The following PCDHA1 variants were observed in gnomAD, a reference collection of about 807,000 sequenced individuals.
PCDHA1 encodes the protein protocadherin alpha-1.
A neutral mutation model predicts 61.3 loss-of-function variants in PCDHA1; 42 were observed. The observed-to-expected ratio is 0.69, with a 90% confidence interval of 0.54 to 0.89. The LOEUF is 0.89. PCDHA1 is among the 40% of genes least tolerant of loss of function. The pLI, the probability that PCDHA1 is intolerant of heterozygous loss-of-function variation, is 0.00. For missense variants in PCDHA1, 1,256 were observed against 1,235.3 expected, an observed-to-expected ratio of 1.02 and a Z score of -0.25; for synonymous variants, 610 against 553.8, an observed-to-expected ratio of 1.10 and a Z score of -1.43.
chr5:140,820,619 A>G (rs1581765490), intron 1 of PCDHA1, among the ~76,000 whole-genome samples: 2 of 152,076 alleles, frequency 1.3e-5, no homozygotes, highest in African/African-American at 4.8e-5. Flanking sequence ...TTCAAATCAT[A>G]CCATCCAGTA....
chr5:140,940,841 C>T (rs246072), intron 1 of PCDHA1, among the ~76,000 whole-genome samples: 86,358 of 151,986 alleles, frequency 0.57, 25,200 homozygotes, highest in African/African-American at 0.71. Context: ...CCTTTCTTCA[C>T]GATAGATTTT....
At chr5:140,823,630 A>G in intron 1 of PCDHA1, 2 of 1,614,062 alleles carry the variant, frequency 1.2e-6, no homozygotes, top group Non-Finnish European at 1.7e-6. Context: ...CAGTGCGCGC[A>G]TCCCGTTCCG....
chr5:140,899,171 A>G (rs1302003338), intron 1 of PCDHA1, among the ~76,000 whole-genome samples: 1 of 152,058 alleles, frequency 6.6e-6, no homozygotes, highest in Non-Finnish European at 1.5e-5. Context: ...TCCTAATTGA[A>G]TACCCTTTAT....
chr5:140,924,830 G>T (rs1240824600), intron 1 of PCDHA1, among the ~76,000 whole-genome samples: 3 of 151,612 alleles, frequency 2.0e-5, no homozygotes, highest in Non-Finnish European at 4.4e-5. Flanking sequence ...GGGAGGGGGA[G>T]GTTGCAGGGA....
intron 1 of PCDHA1, chr5:140,968,973 C>T (rs1404110882): frequency 4.3e-6 from 7 of 1,614,076 alleles, no homozygotes; most frequent in African/African-American, 2.7e-5. Flanking sequence ...CGCTACACTG[C>T]GTATGGCACT....
Position 140,877,583 on chromosome 5 carries a change from T to C in PCDHA1, c.2394+88899T>C. On this transcript the variant is annotated intron_variant, in intron 1 of 3. Transcript: ENST00000504120. ...ATTAACGTGTACCTCATCATCGCCA[T>C]CTGTGCGGTGTCCAGCCTGCTGGTG... 6.2e-7 allele frequency: 1 copy of C among 1,613,816 alleles called. No homozygotes were observed. Among genetic ancestry groups the C allele is most frequent in the Admixed American group, 1.7e-5 (1 of 60,032 alleles).
Position 140,843,942 on chromosome 5 carries a change from A to C in PCDHA1, c.2394+55258A>C, listed in dbSNP as rs1779153148. On this transcript the variant is annotated intron_variant, in intron 1 of 3. Transcript: ENST00000504120. ...TTGAAACTCAAGTTATGGTTGGATG[A>C]TATCCATTTTTTACTGAATATTTAT... 11 of 569,722 alleles carry C rather than the reference A, an allele frequency of 1.9e-5. 1 individual carries two copies. The East Asian group carries it at 3.2e-4, about 17-fold the overall frequency. 35.3% of individuals were successfully genotyped at this position (569,722 alleles called of 1,614,324 possible).
rs2150162425 is a variant in PCDHA1, at chr5:140,829,084, G to A, written c.2394+40400G>A. On this transcript the variant is annotated intron_variant, in intron 1 of 3. Transcript: ENST00000504120. The stretch of plus-strand genomic sequence containing the variant: ...CGGACAAAGGCCATCCTCCCATGGC[G>A]GGTCATTGCACCGTTTTAGTGAGAA... The A allele has an allele frequency of 3.1e-5, 50 of 1,611,088 alleles. No individual in the cohort carries two copies. The Admixed American group carries it at 5.2e-4, about 17-fold the overall frequency.
chr5:140,976,814 A>G (rs1276394910), intron 1 of PCDHA1, among the ~76,000 whole-genome samples: 1 of 152,242 alleles, frequency 6.6e-6, no homozygotes, highest in East Asian at 1.9e-4. Flanking sequence ...GAAGATATGC[A>G]TGTGTCTAAT....
At position 140,801,485 on chromosome 5, in the gene PCDHA1, C is replaced by A. The variant is rs529252017; in HGVS notation, c.2394+12801C>A. 4 of 1,614,078 alleles carry A rather than the reference C, an allele frequency of 2.5e-6. No individual in the cohort carries two copies. In the Admixed American group the frequency reaches 6.7e-5, roughly 27 times the overall value. ...CTCGGATAGACCGCGAGGAACTGTG[C>A]GGGCGGAGCGCGGAGTGCAGCATCC... On this transcript the variant is annotated intron_variant, in intron 1 of 3. Transcript: ENST00000504120.
rs2150177047 is a variant in PCDHA1, at chr5:140,829,888, C to A, written c.2394+41204C>A. 3 of 1,613,910 alleles carry A rather than the reference C, an allele frequency of 1.9e-6. No homozygotes were observed. The South Asian group carries it at 3.3e-5, about 18-fold the overall frequency. On this transcript the variant is annotated intron_variant, in intron 1 of 3. Transcript: ENST00000504120. ...TGGCGAAGGTGCGCGCAGTTGACGCCGACTCAGGCTACAACGCGTGGCTTT... is the reference window on the plus strand; with the variant it reads ...TGGCGAAGGTGCGCGCAGTTGACGCAGACTCAGGCTACAACGCGTGGCTTT...
At chr5:140,956,217 T>A (rs1554222303) in intron 1 of PCDHA1, among the ~76,000 whole-genome samples, 1 of 152,208 alleles carries the variant, frequency 6.6e-6, no homozygotes, top group Non-Finnish European at 1.5e-5. Context: ...GGCATCCTTG[T>A]CTTGTGCTGG....
chr5:140,842,833 G>C (rs2150345811), intron 1 of PCDHA1: 1 of 1,593,874 alleles, frequency 6.3e-7, no homozygotes, highest in Non-Finnish European at 8.6e-7. Context: ...AGCGCTCGCT[G>C]TCGAGCTACA....
chr5:140,805,885 GAAGC>G (rs1445716478), intron 1 of PCDHA1, among the ~76,000 whole-genome samples: 3 of 152,066 alleles, frequency 2.0e-5, no homozygotes, highest in East Asian at 1.9e-4. Context: ...GCAATGGAAG[GAAGC>G]AAACATTTTC....
intron 1 of PCDHA1, chr5:140,829,623 A>T: frequency 6.2e-7 from 1 of 1,612,184 alleles, no homozygotes; most frequent in Non-Finnish European, 8.5e-7. Flanking sequence ...ATTTCGGTGC[A>T]CGCGGAGAGC....
rs782284555 is a variant in PCDHA1 at position 140,788,489 on chromosome 5, G to A, written c.2199G>A (p.Val733=). 1.5e-5 allele frequency: 25 copies of A among 1,614,148 alleles called. 1 individual carries two copies. The South Asian group carries it at 2.7e-4, about 18-fold the overall frequency. Residue 733 remains valine, a synonymous_variant, in exon 1 of 4, where the codon GTG becomes GTA. Transcript: ENST00000504120. ...CSVPPTEGAY[V]PGKPTLVCSS... ...TGCCGCCCACTGAGGGTGCGTATGT[G>A]CCGGGCAAGCCCACTCTGGTGTGCT...
At chr5:140,849,960 C>G in intron 1 of PCDHA1, 1 of 1,597,926 alleles carries the variant, frequency 6.3e-7, no homozygotes, top group Non-Finnish European at 8.6e-7. Context: ...GGAGAACGCC[C>G]TGGTGTCCTA....
intron 1 of PCDHA1, chr5:140,834,468 G>A: frequency 6.2e-7 from 1 of 1,614,146 alleles, no homozygotes; most frequent in Non-Finnish European, 8.5e-7. Flanking sequence ...GGCAGGGAGA[G>A]GCCAGCTCCA....
intron 1 of PCDHA1, chr5:140,871,293 G>A (rs1206433527): frequency 6.2e-7 from 1 of 1,613,794 alleles, no homozygotes; most frequent in Non-Finnish European, 8.5e-7. Context: ...CTGAGGGCGC[G>A]TGCGCGCCGG....
Sources: allele counts gnomAD v4.1 joint callset (sites outside exome capture counted in the v4.1 genomes callset), GRCh38; gene constraint gnomAD v4.1.1; transcripts MANE v1.5; gene names NCBI Gene and HGNC (gene_info 2026-07-23, HGNC 2026-07-21).